Variants in KIAA0825 observed in about 807,000 individuals in gnomAD.
KIAA0825 encodes the protein uncharacterized protein KIAA0825.
Under a neutral mutation model 147.6 loss-of-function variants are expected in KIAA0825, and 119 were observed. That is an observed-to-expected ratio of 0.81 (90% CI 0.69 to 0.94). The LOEUF is 0.94. Ranked by LOEUF, KIAA0825 falls within the 40% of genes least tolerant of loss-of-function variation. KIAA0825 has a pLI of 0.00. For missense variants in KIAA0825, 1,381 were observed against 1,472.7 expected (o/e 0.94, Z 1.02); for synonymous variants, 470 against 518.1 (o/e 0.91, Z 1.26).
chr5:94,249,618 TCTGATAAC>T (rs1775837010), intron 20 of KIAA0825, among the ~76,000 whole-genome samples: 1 of 152,030 alleles, frequency 6.6e-6, no homozygotes, highest in Non-Finnish European at 1.5e-5. Flanking sequence ...ACCCCAGGGC[TCTGATAAC>T]CTGCTGTTCT....
chr5:94,607,999 T>C (rs1787808098), intron 1 of KIAA0825, among the ~76,000 whole-genome samples: 1 of 152,158 alleles, frequency 6.6e-6, no homozygotes, highest in Non-Finnish European at 1.5e-5. Context: ...TTGAGACAAC[T>C]TGGATAATCC....
chr5:94,280,420 G>T (rs560869068), intron 20 of KIAA0825, among the ~76,000 whole-genome samples: 2 of 152,144 alleles, frequency 1.3e-5, no homozygotes, highest in East Asian at 3.9e-4. Flanking sequence ...GATCAATTCA[G>T]TATTCATCTA....
intron 20 of KIAA0825, among the ~76,000 whole-genome samples, chr5:94,250,717 C>T (rs1775912201): frequency 6.6e-6 from 1 of 152,096 alleles, no homozygotes; most frequent in Non-Finnish European, 1.5e-5. Context: ...AGAGAGTTGG[C>T]ACTGCATGCA....
In KIAA0825 at chr5:94,598,881, C is replaced by T. The variant is rs138824772; in HGVS notation, c.-152-16298G>A. Among the ~76,000 whole-genome samples, 206 of 152,138 alleles carry T rather than the reference C, an allele frequency of 1.4e-3. 1 individual carries two copies. The highest frequency in any genetic ancestry group is 4.7e-3 in the African/African-American group (194 of 41,518). On this transcript the variant is annotated intron_variant, in intron 1 of 20. Transcript: ENST00000682413. ...ATTTATCCATTCATTTGCTGATAGACGTTTAGGTTGATTTCATATCTTGGC... is the reference window on the plus strand; with the variant it reads ...ATTTATCCATTCATTTGCTGATAGATGTTTAGGTTGATTTCATATCTTGGC...
chr5:94,464,877 T>C lies in KIAA0825; in HGVS notation c.2055A>G (p.Pro685=). 1 of 1,550,752 alleles carries C rather than the reference T, an allele frequency of 6.4e-7. No individual in the cohort carries two copies. Among genetic ancestry groups the C allele is most frequent in the South Asian group, 1.2e-5 (1 of 83,996 alleles). ...ARAHPSRKRT[P]QLRLDVTTIL... ...TTCAGAACTTCAATTACCTTAACTGTGGAGTTCTTTTACGGCTGGGGTGGG... is the reference window on the plus strand; with the variant it reads ...TTCAGAACTTCAATTACCTTAACTGCGGAGTTCTTTTACGGCTGGGGTGGG... Residue 685 remains proline (P), a synonymous_variant, in exon 11 of 21, where the codon CCA becomes CCG. Coordinates refer to ENST00000682413, the MANE Select transcript of KIAA0825 (RefSeq NM_001145678.3).
At chr5:94,614,507 T>G (rs1789852589) in intron 1 of KIAA0825, among the ~76,000 whole-genome samples, 1 of 152,170 alleles carries the variant, frequency 6.6e-6, no homozygotes, top group African/African-American at 2.4e-5. Context: ...ACTCAGCTTT[T>G]TACCTCAGCT....
chr5:94,262,003 A>T (rs979105646), intron 20 of KIAA0825, among the ~76,000 whole-genome samples: 19 of 150,470 alleles, frequency 1.3e-4, no homozygotes, highest in Non-Finnish European at 2.7e-4. Flanking sequence ...AATTTCTTTT[A>T]AAAAAATCTC....
chr5:94,575,152 A>T (rs1780761812), intron 2 of KIAA0825, among the ~76,000 whole-genome samples: 1 of 152,162 alleles, frequency 6.6e-6, no homozygotes, highest in Admixed American at 6.5e-5. Flanking sequence ...CTAGGAGGAA[A>T]ATATTTGGAC....
chr5:94,246,205 G>A (rs1775602586), intron 20 of KIAA0825, among the ~76,000 whole-genome samples: 1 of 152,102 alleles, frequency 6.6e-6, no homozygotes, highest in African/African-American at 2.4e-5. Flanking sequence ...CTTCTGGCAG[G>A]AAGAGGCAAA....
rs567986835 is a variant in KIAA0825 at position 94,558,686 on chromosome 5, T to C, written c.-1-21559A>G. On this transcript the variant is annotated intron_variant, in intron 2 of 20. Coordinates refer to ENST00000682413, the MANE Select transcript of KIAA0825 (RefSeq NM_001145678.3). ...GGTTTAGGACATGTTACCGCAAAGT[T>C]TGGAGTACTCTGGCACTTGAGAAAA... is the stretch of plus-strand genomic sequence containing the variant. Among the ~76,000 whole-genome samples, 36 of 152,308 alleles carry C rather than the reference T, an allele frequency of 2.4e-4. No homozygotes were observed. The Middle Eastern group carries it at 0.014, about 58-fold the overall frequency.
intron 20 of KIAA0825, among the ~76,000 whole-genome samples, chr5:94,283,287 G>T (rs1400127650): frequency 6.6e-6 from 1 of 152,048 alleles, no homozygotes; most frequent in Non-Finnish European, 1.5e-5. Flanking sequence ...TTTAACAGAA[G>T]AAGAAATTGA....
In KIAA0825 at chr5:94,464,643, C is replaced by G. The variant is rs376440193; in HGVS notation, c.2063+226G>C. Reference sequence around the variant, plus strand: ...GACACCTTGAATCATTTTTTAGCAACAAGTGGGTTCTATAGACGATTTTAA... The same window carrying G: ...GACACCTTGAATCATTTTTTAGCAAGAAGTGGGTTCTATAGACGATTTTAA... On this transcript the variant is annotated intron_variant, in intron 11 of 20. Coordinates refer to ENST00000682413, the MANE Select transcript of KIAA0825 (RefSeq NM_001145678.3). Among the ~76,000 whole-genome samples, 19 of 152,236 alleles carry G rather than the reference C, an allele frequency of 1.2e-4. No individual in the cohort carries two copies. In the South Asian group the frequency reaches 3.9e-3, roughly 32 times the overall value.
Position 94,520,468 on chromosome 5 carries a change from C to T in KIAA0825, c.750G>A (p.Lys250=), listed in dbSNP as rs149175732. 5.6e-6 allele frequency: 9 copies of T among 1,612,626 alleles called. No homozygotes were observed. In the African/African-American group the frequency reaches 1.2e-4, roughly 22 times the overall value. ...AATCCTCTTTTATTACTGAGTATAA[C>T]TTAAGCATTGTACTTTGATATCCAT... is the stretch of plus-strand genomic sequence containing the variant. The part of the protein sequence containing the change: ...IAHGYQSTML[K]LYSVIKEDFN... The change falls in exon 5 of 21, where the codon AAG becomes AAA. Residue 250 remains lysine (K), a synonymous_variant. Transcript: ENST00000682413.
At chr5:94,304,786 A>G (rs1401086774) in intron 20 of KIAA0825, among the ~76,000 whole-genome samples, 2 of 152,062 alleles carry the variant, frequency 1.3e-5, no homozygotes, top group Admixed American at 6.6e-5. Flanking sequence ...AAAATACCCC[A>G]GCCATCATTT....
chr5:94,566,183 C>A (rs896609418), intron 2 of KIAA0825, among the ~76,000 whole-genome samples: 4 of 152,070 alleles, frequency 2.6e-5, no homozygotes, highest in African/African-American at 9.7e-5. Context: ...TTAATGGACA[C>A]TGAGGTGGTA....
chr5:94,235,399 C>T (rs926340863), intron 20 of KIAA0825, among the ~76,000 whole-genome samples: 18 of 152,258 alleles, frequency 1.2e-4, no homozygotes, highest in African/African-American at 3.9e-4. Flanking sequence ...ACCCTGTCTT[C>T]GATTCAGTGA....
intron 20 of KIAA0825, among the ~76,000 whole-genome samples, chr5:94,374,510 T>C (rs971943029): frequency 3.3e-5 from 5 of 152,226 alleles, no homozygotes; most frequent in African/African-American, 1.2e-4. Context: ...TTAGCATAGT[T>C]GACTAATGGC....
intron 20 of KIAA0825, among the ~76,000 whole-genome samples, chr5:94,164,573 G>A (rs941318538): frequency 5.3e-5 from 8 of 151,888 alleles, no homozygotes; most frequent in East Asian, 1.9e-4. Context: ...CACCACGTCC[G>A]GCTAATTTTT....
At position 94,371,193 on chromosome 5, in the gene KIAA0825, C is replaced by T. The variant is rs951283764; in HGVS notation, c.3710+13175G>A. On this transcript the variant is annotated intron_variant, in intron 20 of 20. Transcript: ENST00000682413. ...AAACATCCTGATTTAAAAAATTTTA[C>T]ACCAGATTTCACACTATGAGGAGAA... 9.2e-5 allele frequency among the ~76,000 whole-genome samples: 14 copies of T among 151,976 alleles called. 1 individual carries two copies. The highest frequency in any genetic ancestry group is 1.5e-5 in the Non-Finnish European group (1 of 68,000).
Sources: allele counts gnomAD v4.1 joint callset (sites outside exome capture counted in the v4.1 genomes callset), GRCh38; gene constraint gnomAD v4.1.1; transcripts MANE v1.5; gene names NCBI Gene and HGNC (gene_info 2026-07-23, HGNC 2026-07-21).